DNAJB6: variants seen among roughly 807,000 people sequenced by gnomAD.
The protein encoded by DNAJB6 is DnaJ heat shock protein family (Hsp40) member B6, also known as dnaJ homolog subfamily B member 6.
A neutral mutation model predicts 42.7 loss-of-function variants in DNAJB6; 16 were observed. The observed-to-expected ratio is 0.37, with a 90% confidence interval of 0.25 to 0.57. The LOEUF (loss-of-function observed/expected upper bound fraction) is 0.57. DNAJB6 is among the 20% of genes least tolerant of loss of function. The probability of loss-of-function intolerance (pLI) is 0.74; values close to 1 mark genes in which losing one functional copy is unlikely to be tolerated. For synonymous variants in DNAJB6, 170 were observed against 163.5 expected, an observed-to-expected ratio of 1.04 and a Z score of -0.30; for missense variants, 347 against 416.8, an observed-to-expected ratio of 0.83 and a Z score of 1.46.
intron 8 of DNAJB6, among the ~76,000 whole-genome samples, chr7:157,397,341 C>A (rs569398990): frequency 1.7e-3 from 255 of 152,286 alleles, no homozygotes; most frequent in Non-Finnish European, 3.0e-3. Context: ...GTCACGGCCG[C>A]CCAGCCAGGG....
chr7:157,339,950 G>A (rs539415578), intron 1 of DNAJB6: 8 of 152,330 alleles, frequency 5.3e-5, no homozygotes, highest in African/African-American at 1.9e-4. Context: ...TATTATAAGA[G>A]GGCACTTCAT....
chr7:157,343,511 C>T (rs1482489587), intron 1 of DNAJB6, among the ~76,000 whole-genome samples: 1 of 151,794 alleles, frequency 6.6e-6, no homozygotes, highest in African/African-American at 2.4e-5. Flanking sequence ...CTCTGTTGCC[C>T]CGGCTGGAGT....
rs139475222 is a variant in DNAJB6 at position 157,409,725 on chromosome 7, C to T, written c.692-70C>T. 20,471 of 1,437,344 alleles carry T rather than the reference C, an allele frequency of 0.014. 186 individuals are homozygous for T. Among genetic ancestry groups the T allele is most frequent in the Middle Eastern group, 0.023 (90 of 3,996 alleles). The allele number at this position is 1,437,344 out of a possible 1,614,324, so 89.0% of individuals were successfully genotyped here. ...GGGAGATCGTGCGGCCAGCTTCCCT[C>T]CCTCTGCTCTGGATGGGGGCCGGCC... On this transcript the variant is annotated intron_variant, in intron 8 of 9. Coordinates refer to ENST00000262177, the MANE Select transcript of DNAJB6 (RefSeq NM_058246.4).
At chr7:157,405,921 G>T (rs930483887) in intron 8 of DNAJB6, among the ~76,000 whole-genome samples, 2 of 152,218 alleles carry the variant, frequency 1.3e-5, no homozygotes, top group Non-Finnish European at 2.9e-5. Flanking sequence ...AGTGGGGTGG[G>T]AACGCTCCAT....
chr7:157,341,720 C>T (rs747698350), intron 1 of DNAJB6, among the ~76,000 whole-genome samples: 1 of 152,170 alleles, frequency 6.6e-6, no homozygotes, highest in Non-Finnish European at 1.5e-5. Flanking sequence ...ATGTCCAGGA[C>T]ACAGAGTGCT....
chr7:157,386,358 G>A (rs1198009902), intron 8 of DNAJB6: 1 of 975,750 alleles, frequency 1.0e-6, no homozygotes, highest in African/African-American at 1.8e-5. Flanking sequence ...TTGTGCCTGG[G>A]CTTCTAGTGT....
Position 157,384,800 on chromosome 7 carries a change from A to C in DNAJB6, c.479-67A>C, listed in dbSNP as rs1014088260. ...TAAATATTCTGCTACTGAACTTTCAAACTCTTGTCTTTGCATTACTAGTTG... is the reference window on the plus strand; with the variant it reads ...TAAATATTCTGCTACTGAACTTTCACACTCTTGTCTTTGCATTACTAGTTG... On this transcript the variant is annotated intron_variant, in intron 6 of 9. Transcript: ENST00000262177. 3 of 1,509,154 alleles carry C rather than the reference A, an allele frequency of 2.0e-6. No individual in the cohort carries two copies. The African/African-American group carries it at 4.2e-5, about 21-fold the overall frequency. The allele number at this position is 1,509,154 out of a possible 1,614,324, so 93.5% of individuals were successfully genotyped here.
At chr7:157,368,132 A>T (rs1799932924) in intron 5 of DNAJB6, among the ~76,000 whole-genome samples, 1 of 152,220 alleles carries the variant, frequency 6.6e-6, no homozygotes, top group Admixed American at 6.5e-5. Context: ...AAAACAGCAC[A>T]GTAGCTGTAA....
chr7:157,387,575 A>G (rs902363910), intron 8 of DNAJB6, among the ~76,000 whole-genome samples: 2 of 152,326 alleles, frequency 1.3e-5, no homozygotes, highest in Admixed American at 6.5e-5. Context: ...GGATGTCCAG[A>G]AATACCAGGA....
intron 5 of DNAJB6, chr7:157,370,675 A>G (rs1165695351): frequency 2.6e-5 from 4 of 152,634 alleles, no homozygotes; most frequent in African/African-American, 2.4e-5. Context: ...TAAATGCTCC[A>G]TTTTACATGC....
intron 1 of DNAJB6, among the ~76,000 whole-genome samples, chr7:157,353,728 T>C (rs1195005645): frequency 6.6e-6 from 1 of 152,064 alleles, no homozygotes; most frequent in African/African-American, 2.4e-5. Flanking sequence ...GGTGCAGTCC[T>C]GACTCACTGT....
chr7:157,404,135 T>G (rs1795656400), intron 8 of DNAJB6, among the ~76,000 whole-genome samples: 1 of 150,538 alleles, frequency 6.6e-6, no homozygotes, highest in Non-Finnish European at 1.5e-5. Flanking sequence ...CCTGGCTAAT[T>G]TTTTCTTTTT....
chr7:157,346,316 T>TAAAAAAAAAAAAA (rs60806134), intron 1 of DNAJB6, among the ~76,000 whole-genome samples: 5 of 117,728 alleles, frequency 4.2e-5, no homozygotes, highest in Admixed American at 2.0e-4. Context: ...CAAGGAGTAG[T>TAAAAAAAAAAAAA]AAAAAAAAAA....
chr7:157,341,101 T>C (rs1026274175), intron 1 of DNAJB6, among the ~76,000 whole-genome samples: 1 of 151,972 alleles, frequency 6.6e-6, no homozygotes, highest in Non-Finnish European at 1.5e-5. Flanking sequence ...GAATTACAAG[T>C]GTGAGCCAGG....
At chr7:157,358,388 G>C (rs1208079532) in intron 1 of DNAJB6, among the ~76,000 whole-genome samples, 159 bp from the exon 2 acceptor site, 1 of 152,152 alleles carries the variant, frequency 6.6e-6, no homozygotes, top group Non-Finnish European at 1.5e-5. Context: ...ACAAGGTCTT[G>C]GCCCAGCAGG....
chr7:157,341,677 G>T (rs1008661866), intron 1 of DNAJB6, among the ~76,000 whole-genome samples: 3 of 152,168 alleles, frequency 2.0e-5, no homozygotes, highest in African/African-American at 7.2e-5. Flanking sequence ...ACTTGGGTGG[G>T]CTTTGAATCT....
chr7:157,352,698 A>T (rs1799055686), intron 1 of DNAJB6, among the ~76,000 whole-genome samples: 1 of 152,074 alleles, frequency 6.6e-6, no homozygotes, highest in Non-Finnish European at 1.5e-5. Flanking sequence ...TTTCTACTTC[A>T]TCACAAGCAG....
At chr7:157,396,050 C>T (rs985878556) in intron 8 of DNAJB6, among the ~76,000 whole-genome samples, 12 of 151,558 alleles carry the variant, frequency 7.9e-5, no homozygotes, top group African/African-American at 2.4e-4. Context: ...TGGGTTCAAG[C>T]GATTCTCATG....
At chr7:157,381,522 C>CA (rs1457422934) in intron 5 of DNAJB6, 1 of 152,140 alleles carries the variant, frequency 6.6e-6, no homozygotes, top group Non-Finnish European at 1.5e-5. Context: ...TTTCCAGGAG[C>CA]ACTTTGTGTT....
Sources: allele counts gnomAD v4.1 joint callset (sites outside exome capture counted in the v4.1 genomes callset), GRCh38; gene constraint gnomAD v4.1.1; transcripts MANE v1.5; gene names NCBI Gene and HGNC (gene_info 2026-07-23, HGNC 2026-07-21).